Variants in STXBP5L observed in about 807,000 individuals in gnomAD.
STXBP5L encodes syntaxin binding protein 5L.
Under a neutral mutation model 144.5 loss-of-function variants are expected in STXBP5L, and 65 were observed. The ratio of observed to expected loss-of-function variants is 0.45; its 90% CI spans 0.37 to 0.55. The LOEUF (loss-of-function observed/expected upper bound fraction) is 0.55. STXBP5L is among the 20% of genes least tolerant of loss of function. STXBP5L has a pLI of 0.00. For missense variants in STXBP5L, 1,298 were observed against 1,405.5 expected, an observed-to-expected ratio of 0.92 and a Z score of 1.22; for synonymous variants, 505 against 469.6, an observed-to-expected ratio of 1.08 and a Z score of -0.97.
chr3:121,204,250 CT>C (rs1422331277), intron 9 of STXBP5L, among the ~76,000 whole-genome samples: 1 of 151,958 alleles, frequency 6.6e-6, no homozygotes, highest in Non-Finnish European at 1.5e-5. Context: ...AAAAAAAAGA[CT>C]ATTGTTCAGA....
chr3:121,010,299 ATCT>A (rs897391364), intron 3 of STXBP5L, among the ~76,000 whole-genome samples: 1 of 151,830 alleles, frequency 6.6e-6, no homozygotes, highest in Non-Finnish European at 1.5e-5. Flanking sequence ...GCACTGCAGC[ATCT>A]TCTTCAAGAG....
chr3:121,045,132 T>C (rs1947424100), intron 4 of STXBP5L, among the ~76,000 whole-genome samples: 1 of 152,126 alleles, frequency 6.6e-6, no homozygotes, highest in Admixed American at 6.6e-5. Context: ...AAACTATTTT[T>C]TCCCAAAGAA....
intron 22 of STXBP5L, among the ~76,000 whole-genome samples, chr3:121,397,813 A>C (rs2046769167): frequency 1.3e-5 from 2 of 152,240 alleles, no homozygotes; most frequent in East Asian, 1.9e-4. Context: ...GGCCCTTCAC[A>C]ATGCAAAATA....
At chr3:121,250,425 A>G (rs915977662) in intron 14 of STXBP5L, among the ~76,000 whole-genome samples, 3 of 151,984 alleles carry the variant, frequency 2.0e-5, no homozygotes, top group African/African-American at 7.2e-5. Flanking sequence ...TTTTACATGA[A>G]AATATGTTGT....
chr3:121,315,284 A>G (rs927650874), intron 19 of STXBP5L, among the ~76,000 whole-genome samples: 3 of 152,094 alleles, frequency 2.0e-5, no homozygotes, highest in African/African-American at 7.2e-5. Context: ...GCACATATAC[A>G]CCATGGAATA....
intron 2 of STXBP5L, among the ~76,000 whole-genome samples, chr3:120,925,455 T>G (rs1339310830): frequency 6.6e-6 from 1 of 152,184 alleles, no homozygotes; most frequent in African/African-American, 2.4e-5. Context: ...TGTAGTGTAT[T>G]TCATCTGATC....
At chr3:121,176,543 C>A (rs963701362) in intron 9 of STXBP5L, among the ~76,000 whole-genome samples, 1 of 146,372 alleles carries the variant, frequency 6.8e-6, no homozygotes, top group Non-Finnish European at 1.5e-5. Context: ...TTAACACTCC[C>A]AAAATAACAA....
intron 10 of STXBP5L, among the ~76,000 whole-genome samples, chr3:121,210,258 T>C (rs944200462): frequency 6.6e-6 from 1 of 152,242 alleles, no homozygotes; most frequent in Non-Finnish European, 1.5e-5. Context: ...GTTCATACCC[T>C]TTGCCCATTT....
chr3:121,318,929 T>C (rs1359158876), intron 20 of STXBP5L, among the ~76,000 whole-genome samples: 3 of 152,128 alleles, frequency 2.0e-5, no homozygotes, highest in Non-Finnish European at 2.9e-5. Context: ...ATGATACCAT[T>C]CCTCTAGACC....
intron 2 of STXBP5L, among the ~76,000 whole-genome samples, chr3:120,917,594 A>G (rs1259647102): frequency 6.6e-6 from 1 of 151,974 alleles, no homozygotes; most frequent in Admixed American, 6.6e-5. Flanking sequence ...ACTGAGGAGG[A>G]TGAGGGGGAG....
Position 121,223,019 on chromosome 3 carries a change from T to A in STXBP5L, c.973T>A (p.Phe325Ile). Residue 325 changes from phenylalanine (F) to isoleucine (I), a missense_variant, in exon 11 of 27, where the codon TTC becomes ATC. By Grantham distance (21) the Phe-to-Ile change is conservative. Transcript: ENST00000471454. ...TCKNSEPFII[F>I]SGGLSYDKAC... Reference sequence around the variant, plus strand: ...CCTATGTAGCGAACCATTCATAATATTCTCTGGTGGGCTGTCCTATGACAA... The same window carrying A: ...CCTATGTAGCGAACCATTCATAATAATCTCTGGTGGGCTGTCCTATGACAA... The A allele has an allele frequency of 6.2e-7, 1 of 1,602,660 alleles. No individual in the cohort carries two copies. Among genetic ancestry groups the A allele is most frequent in the Non-Finnish European group, 8.5e-7 (1 of 1,176,830 alleles).
intron 9 of STXBP5L, among the ~76,000 whole-genome samples, chr3:121,193,166 T>C (rs900061144): frequency 1.4e-5 from 2 of 142,490 alleles, no homozygotes; most frequent in African/African-American, 5.2e-5. Flanking sequence ...GGCAAAGATA[T>C]GAACAGACAC....
intron 20 of STXBP5L, among the ~76,000 whole-genome samples, chr3:121,363,787 G>A (rs780966522): frequency 1.3e-5 from 2 of 151,940 alleles, no homozygotes; most frequent in Non-Finnish European, 2.9e-5. Context: ...TTAGCTTGGT[G>A]TCCTTGCTGG....
intron 3 of STXBP5L, among the ~76,000 whole-genome samples, chr3:121,017,525 T>A (rs1945226767): frequency 6.6e-6 from 1 of 152,200 alleles, no homozygotes; most frequent in African/African-American, 2.4e-5. Context: ...ATTACATGAT[T>A]ATGTAGCACA....
chr3:120,986,825 T>G (rs1049952960), intron 3 of STXBP5L, among the ~76,000 whole-genome samples: 6 of 151,698 alleles, frequency 4.0e-5, no homozygotes, highest in Non-Finnish European at 8.8e-5. Flanking sequence ...CCAGAACAAT[T>G]CAAAGACAGA....
chr3:121,037,605 T>C (rs1351584354), intron 3 of STXBP5L, among the ~76,000 whole-genome samples: 1 of 152,116 alleles, frequency 6.6e-6, no homozygotes, highest in African/African-American at 2.4e-5. Flanking sequence ...TGAGAGATAT[T>C]AGTCTGAAGT....
At chr3:121,368,175 T>C (rs2045924081) in intron 20 of STXBP5L, among the ~76,000 whole-genome samples, 1 of 152,160 alleles carries the variant, frequency 6.6e-6, no homozygotes, top group Admixed American at 6.5e-5. Flanking sequence ...TTTGAATTTT[T>C]TTCTTTCTGT....
intron 5 of STXBP5L, among the ~76,000 whole-genome samples, chr3:121,086,276 C>T (rs891269227): frequency 3.3e-5 from 5 of 151,966 alleles, no homozygotes; most frequent in Admixed American, 6.6e-5. Context: ...TTATTCAGTT[C>T]ATTATATTTT....
intron 3 of STXBP5L, among the ~76,000 whole-genome samples, chr3:121,034,871 C>T (rs1248255827): frequency 6.6e-6 from 1 of 152,148 alleles, no homozygotes; most frequent in East Asian, 1.9e-4. Context: ...TCCTCCACAT[C>T]CTTGCCAACA....
Sources: allele counts gnomAD v4.1 joint callset (sites outside exome capture counted in the v4.1 genomes callset), GRCh38; gene constraint gnomAD v4.1.1; transcripts MANE v1.5; gene names NCBI Gene and HGNC (gene_info 2026-07-23, HGNC 2026-07-21).